Variants in GLIS1 observed in about 807,000 individuals in gnomAD.
GLIS1 encodes GLIS family zinc finger 1.
GLIS1 carries 24 observed loss-of-function variants against 63.8 expected under a neutral mutation model. The observed-to-expected ratio is 0.38, with a 90% confidence interval of 0.27 to 0.53. GLIS1 has a LOEUF of 0.53. GLIS1 is among the 20% of genes least tolerant of loss of function. The pLI is 0.85. For missense variants in GLIS1, 1,036 were observed against 1,074.1 expected, an observed-to-expected ratio of 0.96 and a Z score of 0.50; for synonymous variants, 450 against 482.5, an observed-to-expected ratio of 0.93 and a Z score of 0.88.
chr1:53,536,810 G>A (rs1451298407), intron 4 of GLIS1, among the ~76,000 whole-genome samples: 1 of 152,146 alleles, frequency 6.6e-6, no homozygotes, highest in African/African-American at 2.4e-5. Context: ...CTGACGCTGG[G>A]AAGGGAGGAT....
At chr1:53,707,254 G>A (rs1240473609) in intron 2 of GLIS1, among the ~76,000 whole-genome samples, 1 of 152,184 alleles carries the variant, frequency 6.6e-6, no homozygotes, top group African/African-American at 2.4e-5. Flanking sequence ...AGTCCCGGCT[G>A]CCATTTAAGA....
intron 2 of GLIS1, among the ~76,000 whole-genome samples, chr1:53,727,520 C>T (rs937454950): frequency 2.6e-5 from 4 of 152,228 alleles, no homozygotes; most frequent in East Asian, 1.9e-4. Flanking sequence ...AGATGAGACG[C>T]GTGTCACAGT....
rs142060425 is a variant in GLIS1, at chr1:53,532,502, C to T, written c.1321-2550G>A. On this transcript the variant is annotated intron_variant, in intron 4 of 10. Transcript: ENST00000628545. Reference sequence around the variant, plus strand: ...GTTTTAGAAGCTGTTCTGCTTCCTACTTCCAGATGTTGTGCCTTTTTCATG... The same window carrying T: ...GTTTTAGAAGCTGTTCTGCTTCCTATTTCCAGATGTTGTGCCTTTTTCATG... 7.9e-4 allele frequency among the ~76,000 whole-genome samples: 120 copies of T among 152,354 alleles called. 3 individuals are homozygous for T. The East Asian group carries it at 0.021, about 26-fold the overall frequency.
chr1:53,713,937 C>T (rs1646671643), intron 2 of GLIS1, among the ~76,000 whole-genome samples: 1 of 152,214 alleles, frequency 6.6e-6, no homozygotes, highest in African/African-American at 2.4e-5. Flanking sequence ...AGAAGGACAC[C>T]CTGGCCCCCT....
intron 2 of GLIS1, among the ~76,000 whole-genome samples, chr1:53,613,532 T>C (rs2100578527): frequency 6.6e-6 from 1 of 152,376 alleles, no homozygotes; most frequent in South Asian, 2.1e-4. Context: ...AAATTTTATG[T>C]AGCTATTGAA....
intron 2 of GLIS1, among the ~76,000 whole-genome samples, chr1:53,615,719 TATTTATTTATTTTATTC>T (rs66914764): frequency 0.024 from 3,621 of 151,752 alleles, 158 homozygotes; most frequent in African/African-American, 0.082. Context: ...GATATGATTT[TATTTATTTATTTTATTC>T]ATTTATTTAT....
intron 2 of GLIS1, among the ~76,000 whole-genome samples, chr1:53,636,793 C>G (rs1182233158): frequency 6.6e-6 from 1 of 152,238 alleles, no homozygotes; most frequent in Non-Finnish European, 1.5e-5. Flanking sequence ...ATGCACTCAC[C>G]TGCATTTTCT....
At chr1:53,632,415 G>A (rs1260254964) in intron 2 of GLIS1, among the ~76,000 whole-genome samples, 4 of 148,508 alleles carry the variant, frequency 2.7e-5, no homozygotes, top group Non-Finnish European at 4.5e-5. Context: ...TGACTGAGGG[G>A]CATGTGGATG....
intron 2 of GLIS1, among the ~76,000 whole-genome samples, chr1:53,682,429 G>T (rs1646285886): frequency 6.6e-6 from 1 of 152,254 alleles, no homozygotes; most frequent in Non-Finnish European, 1.5e-5. Flanking sequence ...GATGACTGAA[G>T]TAAGCTGAAC....
intron 2 of GLIS1, among the ~76,000 whole-genome samples, chr1:53,698,089 A>C (rs1646485204): frequency 2.7e-5 from 2 of 74,238 alleles, no homozygotes; most frequent in Non-Finnish European, 5.5e-5. Context: ...ACCCACCCCA[A>C]TGCCCCAGAC....
intron 2 of GLIS1, among the ~76,000 whole-genome samples, chr1:53,650,025 A>ATAG (rs1384931741): frequency 1.3e-5 from 2 of 152,226 alleles, no homozygotes; most frequent in Admixed American, 1.3e-4. Context: ...TAAAATCAAC[A>ATAG]TAGAATCACA....
At chr1:53,524,652 T>A (rs1644445548) in intron 6 of GLIS1, 125 bp downstream of exon 6, 3 of 693,638 alleles carry the variant, frequency 4.3e-6, no homozygotes, top group Non-Finnish European at 7.7e-6. Context: ...GACGAACGGA[T>A]GGACGAACAG....
At chr1:53,562,508 C>T (rs1209929847) in intron 4 of GLIS1, among the ~76,000 whole-genome samples, 1 of 152,176 alleles carries the variant, frequency 6.6e-6, no homozygotes, top group East Asian at 1.9e-4. Flanking sequence ...GCACCCCAGA[C>T]CACAGCCGAA....
chr1:53,589,335 T>C (rs977607961), intron 4 of GLIS1, among the ~76,000 whole-genome samples: 9 of 152,102 alleles, frequency 5.9e-5, no homozygotes, highest in Non-Finnish European at 1.0e-4. Context: ...TCTCTGAATC[T>C]CAGTAAGGAG....
chr1:53,532,083 T>C (rs1383576827), intron 4 of GLIS1, among the ~76,000 whole-genome samples: 1 of 152,094 alleles, frequency 6.6e-6, no homozygotes, highest in Non-Finnish European at 1.5e-5. Flanking sequence ...AAAGGCCAGA[T>C]AGCGGGGACT....
rs149754211 is a variant in GLIS1, at chr1:53,707,306, T to C, written c.259+30500A>G. Among the ~76,000 whole-genome samples, 84 of 152,304 alleles carry C rather than the reference T, an allele frequency of 5.5e-4. 1 individual carries two copies. The highest frequency in any genetic ancestry group is 1.9e-3 in the African/African-American group (79 of 41,570). Reference sequence around the variant, plus strand: ...TGTGACTTGTCTGATCCTCGTCTAATAGGAAAGCAGTTAACAACAACATGT... The same window carrying C: ...TGTGACTTGTCTGATCCTCGTCTAACAGGAAAGCAGTTAACAACAACATGT... On this transcript the variant is annotated intron_variant, in intron 2 of 10. Coordinates refer to ENST00000628545, the MANE Select transcript of GLIS1 (RefSeq NM_001367484.1).
At chr1:53,738,730 A>G (rs1646938059) in intron 1 of GLIS1, among the ~76,000 whole-genome samples, 2 of 152,134 alleles carry the variant, frequency 1.3e-5, no homozygotes, top group Non-Finnish European at 2.9e-5. Flanking sequence ...CCACATTCCT[A>G]TGCGCAGCGG....
intron 2 of GLIS1, among the ~76,000 whole-genome samples, chr1:53,687,504 G>C (rs577585961): frequency 1.2e-4 from 18 of 152,272 alleles, no homozygotes; most frequent in Admixed American, 7.2e-4. Context: ...CCTCATGGAA[G>C]ACCCGAGTAC....
At chr1:53,609,733 T>C (rs967814720) in intron 2 of GLIS1, among the ~76,000 whole-genome samples, 3 of 152,246 alleles carry the variant, frequency 2.0e-5, no homozygotes, top group African/African-American at 4.8e-5. Flanking sequence ...ACAACAGGGA[T>C]ACATTCTGAG....
Sources: gnomAD v4.1 joint callset for allele counts (sites outside exome capture counted in the v4.1 genomes callset) on GRCh38, gnomAD v4.1.1 for gene constraint, MANE v1.5 for transcripts, NCBI Gene and HGNC (gene_info 2026-07-23, HGNC 2026-07-21) for gene names.